Variants in CNTN1 observed in about 807,000 individuals in gnomAD.
CNTN1 encodes the protein contactin 1.
CNTN1 carries 38 observed loss-of-function variants against 126.4 expected under a neutral mutation model. That is an observed-to-expected ratio of 0.30 (90% confidence interval 0.23 to 0.39). CNTN1 has a LOEUF of 0.39. Among genes scored for constraint, CNTN1 ranks in the 10% least tolerant of loss-of-function variants. The pLI is 1.00. For synonymous variants in CNTN1, 413 were observed against 422.6 expected, an observed-to-expected ratio of 0.98 and a Z score of 0.28; for missense variants, 1,009 against 1,248.4, an observed-to-expected ratio of 0.81 and a Z score of 2.89.
intron 15 of CNTN1, among the ~76,000 whole-genome samples, chr12:40,967,779 T>G (rs1947360417): frequency 6.6e-6 from 1 of 152,042 alleles, no homozygotes; most frequent in African/African-American, 2.4e-5. Context: ...ATTTTGAAAG[T>G]AATTGTGATG....
chr12:40,943,547 G>A, intron 12 of CNTN1, 50 bp from the exon 13 acceptor site: 4 of 1,342,176 alleles, frequency 3.0e-6, no homozygotes, highest in Non-Finnish European at 4.3e-6. Context: ...ACATAATAAT[G>A]TATTTTACTA....
rs770070767 is a variant in CNTN1 at position 41,016,744 on chromosome 12, T to C, written c.2247T>C (p.Phe749=). The C allele has an allele frequency of 6.2e-7, 1 of 1,614,152 alleles. No homozygotes were observed. The highest frequency in any genetic ancestry group is 1.6e-4 in the Middle Eastern group (1 of 6,062). Residue 749 remains phenylalanine, a synonymous_variant, in exon 19 of 24, where the codon TTT becomes TTC. Transcript: ENST00000551295. ...GTTACATAGTGGCATTTAAGCCATT[T>C]GATGGAGAAGAATGGAAAAAAGTCA... ...NFGYIVAFKP[F]DGEEWKKVTV... is the part of the protein sequence containing the mutation.
At chr12:40,963,348 AT>A (rs1471634868) in intron 15 of CNTN1, among the ~76,000 whole-genome samples, 1 of 151,942 alleles carries the variant, frequency 6.6e-6, no homozygotes, top group Non-Finnish European at 1.5e-5. Context: ...GTGAAAGTTT[AT>A]TTTTTTCCTA....
intron 15 of CNTN1, 128 bp downstream of exon 15, chr12:40,959,362 G>T: frequency 1.0e-6 from 1 of 970,490 alleles, no homozygotes; most frequent in Non-Finnish European, 1.6e-6. Context: ...CTTAAGAATG[G>T]ATCTTAAGCT....
chr12:40,915,729 C>CT (rs201074616), intron 3 of CNTN1, among the ~76,000 whole-genome samples: 351 of 151,286 alleles, frequency 2.3e-3, no homozygotes, highest in African/African-American at 8.2e-3. Context: ...CAACTTAATC[C>CT]TTTTTTTTTC....
chr12:40,879,682 G>A (rs1943806384), intron 1 of CNTN1, among the ~76,000 whole-genome samples: 1 of 152,098 alleles, frequency 6.6e-6, no homozygotes, highest in Admixed American at 6.6e-5. Flanking sequence ...ATAAAAATAT[G>A]CATAGATTTG....
intron 1 of CNTN1, among the ~76,000 whole-genome samples, chr12:40,803,469 G>T (rs1940729742): frequency 1.3e-5 from 2 of 151,870 alleles, no homozygotes; most frequent in Admixed American, 6.6e-5. Flanking sequence ...CTCTGATAGG[G>T]TCTCTTTTCA....
intron 23 of CNTN1, among the ~76,000 whole-genome samples, chr12:41,048,971 C>T (rs1949610935): frequency 6.6e-6 from 1 of 152,184 alleles, no homozygotes; most frequent in African/African-American, 2.4e-5. Flanking sequence ...GTCAAAACAG[C>T]TCTTGTCGAG....
chr12:40,930,662 G>T (rs147754854), intron 7 of CNTN1, among the ~76,000 whole-genome samples: 27 of 151,948 alleles, frequency 1.8e-4, no homozygotes, highest in African/African-American at 6.0e-4. Flanking sequence ...AAGTCCTTCT[G>T]CTACATTAAT....
At chr12:41,009,578 T>G (rs1948594647) in intron 17 of CNTN1, among the ~76,000 whole-genome samples, 1 of 152,232 alleles carries the variant, frequency 6.6e-6, no homozygotes, top group Non-Finnish European at 1.5e-5. Context: ...AGGCTGTGAC[T>G]ATGGCCTCAG....
chr12:40,806,470 T>C (rs1056159582), intron 1 of CNTN1, among the ~76,000 whole-genome samples: 1 of 152,094 alleles, frequency 6.6e-6, no homozygotes, highest in Non-Finnish European at 1.5e-5. Context: ...GTTTCTTTTG[T>C]AAGAAAGGAG....
At chr12:40,725,342 G>A (rs542509401) in intron 1 of CNTN1, among the ~76,000 whole-genome samples, 1 of 148,862 alleles carries the variant, frequency 6.7e-6, no homozygotes, top group Non-Finnish European at 1.5e-5. Context: ...CAGAGGTTGC[G>A]GTGAGCCGAG....
chr12:40,863,079 G>A (rs1329517318), intron 1 of CNTN1, among the ~76,000 whole-genome samples: 1 of 152,120 alleles, frequency 6.6e-6, no homozygotes, highest in Non-Finnish European at 1.5e-5. Context: ...ATGTTCATGA[G>A]AGCACTGTCC....
At chr12:40,908,014 A>G (rs1482849799) in intron 1 of CNTN1, among the ~76,000 whole-genome samples, 1 of 152,236 alleles carries the variant, frequency 6.6e-6, no homozygotes, top group Non-Finnish European at 1.5e-5. Flanking sequence ...TGCTATTTGT[A>G]GAAAAGACTT....
chr12:40,992,708 C>T (rs1306562139), intron 16 of CNTN1, among the ~76,000 whole-genome samples: 1 of 151,998 alleles, frequency 6.6e-6, no homozygotes. Flanking sequence ...GTTTGCTAGC[C>T]ATAGACTATA....
intron 1 of CNTN1, among the ~76,000 whole-genome samples, chr12:40,748,138 C>A (rs1050224579): frequency 6.6e-6 from 1 of 151,954 alleles, no homozygotes; most frequent in Non-Finnish European, 1.5e-5. Context: ...AGAGTGCACA[C>A]AAGAAGACTT....
At chr12:40,832,199 G>A (rs907182797) in intron 1 of CNTN1, among the ~76,000 whole-genome samples, 2 of 152,154 alleles carry the variant, frequency 1.3e-5, no homozygotes, top group South Asian at 4.1e-4. Flanking sequence ...TCTGACTCCT[G>A]AATCAGATAA....
In CNTN1 at chr12:40,944,141, G is replaced by A; in HGVS notation, c.1654G>A (p.Glu552Lys). The change falls in exon 14 of 24, where the codon GAG becomes AAG. Residue 552 changes from glutamate (E) to lysine (K), a missense_variant. Transcript: ENST00000551295. ...FNGYVIDFNK[E>K]NIHYQRNFML... Reference sequence around the variant, plus strand: ...TGGCTATGTGATCGATTTTAACAAAGAGAATATTCACTACCAGAGGAATTT... The same window carrying A: ...TGGCTATGTGATCGATTTTAACAAAAAGAATATTCACTACCAGAGGAATTT... The A allele has an allele frequency of 1.2e-6, 2 of 1,613,288 alleles. No homozygotes were observed. Among genetic ancestry groups the A allele is most frequent in the South Asian group, 1.1e-5 (1 of 91,060 alleles).
chr12:41,002,870 A>G lies in CNTN1; in HGVS notation c.2113+9601A>G, dbSNP rs928244121. Among the ~76,000 whole-genome samples, 60 of 152,088 alleles carry G rather than the reference A, an allele frequency of 3.9e-4. 1 individual carries two copies. Among genetic ancestry groups the G allele is most frequent in the African/African-American group, 1.4e-3 (56 of 41,434 alleles). ...CTGCACCTGGCTATGGGTTTTCTAC[A>G]TATAGGATCATGTCATCTGCAAACT... On this transcript the variant is annotated intron_variant, in intron 17 of 23. Transcript: ENST00000551295.
Sources: allele counts gnomAD v4.1 joint callset (sites outside exome capture counted in the v4.1 genomes callset), GRCh38; gene constraint gnomAD v4.1.1; transcripts MANE v1.5; gene names NCBI Gene and HGNC (gene_info 2026-07-23, HGNC 2026-07-21).